Variants in CNTLN observed in about 807,000 individuals in gnomAD.
CNTLN encodes centlein.
In CNTLN, 212 loss-of-function variants were observed where a neutral mutation model predicts 180.0. That is an observed-to-expected ratio of 1.18 (90% CI 1.05 to 1.32). CNTLN has a LOEUF of 1.32. CNTLN is among the 40% of genes most tolerant of loss of function. The probability of loss-of-function intolerance (pLI) is 0.00; values close to 1 mark genes in which losing one functional copy is unlikely to be tolerated. For synonymous variants in CNTLN, 722 were observed against 563.1 expected (o/e 1.28, Z -3.99); for missense variants, 2,095 against 1,610.9 (o/e 1.30, Z -5.14).
chr9:17,420,696 A>T (rs553986193), intron 18 of CNTLN, among the ~76,000 whole-genome samples: 24 of 152,200 alleles, frequency 1.6e-4, no homozygotes, highest in African/African-American at 5.3e-4. Context: ...ACTTTTAGGT[A>T]TAAACTTCTC....
chr9:17,158,582 A>AT (rs1387944555), intron 2 of CNTLN, among the ~76,000 whole-genome samples: 7 of 151,540 alleles, frequency 4.6e-5, no homozygotes. Context: ...CAGATTTTCT[A>AT]TTTTTTCTTG....
chr9:17,367,957 A>G (rs556605960), intron 13 of CNTLN, among the ~76,000 whole-genome samples: 1 of 152,122 alleles, frequency 6.6e-6, no homozygotes, highest in African/African-American at 2.4e-5. Flanking sequence ...CCTGCATGAG[A>G]AAAGCAGAGG....
chr9:17,200,320 C>T (rs865943228), intron 2 of CNTLN, among the ~76,000 whole-genome samples: 1 of 151,922 alleles, frequency 6.6e-6, no homozygotes, highest in African/African-American at 2.4e-5. Flanking sequence ...TGGCTATAAG[C>T]GTTCTTTTGG....
intron 13 of CNTLN, among the ~76,000 whole-genome samples, chr9:17,373,319 C>T (rs1824482455): frequency 6.6e-6 from 1 of 152,110 alleles, no homozygotes; most frequent in Admixed American, 6.5e-5. Flanking sequence ...AGTATCATTT[C>T]TATATGCCAA....
rs144615133 is a variant in CNTLN, at chr9:17,320,222, TGAA to T, written c.1342-10407_1342-10405del. On this transcript the variant is annotated intron_variant, in intron 8 of 25. Transcript: ENST00000380647. ...CTCTCTCTTCCTTGCTTTCCTCAAT[TGAA>T]GAGAATTTTCTTTAGCTGTTTTCCC... Among the ~76,000 whole-genome samples, 208 of 152,328 alleles carry T rather than the reference TGAA, an allele frequency of 1.4e-3. 3 individuals are homozygous for T. The highest frequency in any genetic ancestry group is 9.1e-3 in the Admixed American group (140 of 15,308).
intron 25 of CNTLN, among the ~76,000 whole-genome samples, chr9:17,492,215 ATAAT>A: frequency 6.6e-6 from 1 of 152,220 alleles, no homozygotes; most frequent in African/African-American, 2.4e-5. Context: ...TTTTAATAAA[ATAAT>A]TAAATTTATT....
At chr9:17,149,897 A>G (rs1397577166) in intron 2 of CNTLN, among the ~76,000 whole-genome samples, 1 of 152,036 alleles carries the variant, frequency 6.6e-6, no homozygotes, top group Non-Finnish European at 1.5e-5. Context: ...CATTTCTCTA[A>G]TGACCAGTGA....
At chr9:17,380,850 T>A (rs1564052165) in intron 13 of CNTLN, among the ~76,000 whole-genome samples, 1 of 152,224 alleles carries the variant, frequency 6.6e-6, no homozygotes, top group Non-Finnish European at 1.5e-5. Flanking sequence ...CTCTTACTGC[T>A]GCAGGTTTTC....
chr9:17,182,933 G>A (rs1253290957), intron 2 of CNTLN, among the ~76,000 whole-genome samples: 2 of 152,204 alleles, frequency 1.3e-5, no homozygotes, highest in African/African-American at 2.4e-5. Context: ...TCTAGTGCGT[G>A]CAAAATTGAT....
At chr9:17,432,253 T>C (rs74529725) in intron 18 of CNTLN, among the ~76,000 whole-genome samples, 2,983 of 152,286 alleles carry the variant, frequency 0.02, 93 homozygotes, top group African/African-American at 0.068. Flanking sequence ...CAGCTTAAAC[T>C]GTCAGCCAAC....
chr9:17,487,615 A>G (rs1272383045), intron 25 of CNTLN, among the ~76,000 whole-genome samples: 1 of 152,132 alleles, frequency 6.6e-6, no homozygotes, highest in Non-Finnish European at 1.5e-5. Flanking sequence ...AAGAATGAAA[A>G]AATTTCCACC....
intron 25 of CNTLN, chr9:17,494,806 A>G: frequency 5.4e-6 from 2 of 368,766 alleles, no homozygotes; most frequent in Non-Finnish European, 5.2e-6. Flanking sequence ...GTATACAATT[A>G]TGTACTGCAC....
chr9:17,308,817 C>T (rs2132906772), intron 7 of CNTLN, among the ~76,000 whole-genome samples: 2 of 151,638 alleles, frequency 1.3e-5, no homozygotes, highest in South Asian at 4.2e-4. Context: ...GCCTTTTTAA[C>T]ATATTTTCTA....
At chr9:17,313,302 A>G (rs1819333573) in intron 8 of CNTLN, among the ~76,000 whole-genome samples, 2 of 152,180 alleles carry the variant, frequency 1.3e-5, no homozygotes, top group African/African-American at 4.8e-5. Flanking sequence ...GAATTGTAAC[A>G]TAATTATAAT....
At chr9:17,402,930 G>A (rs978667178) in intron 15 of CNTLN, among the ~76,000 whole-genome samples, 1 of 151,660 alleles carries the variant, frequency 6.6e-6, no homozygotes, top group Non-Finnish European at 1.5e-5. Flanking sequence ...CATCCTGTTG[G>A]TTCCATTTCT....
At chr9:17,515,839 A>C in the CNTLN span, among the ~76,000 whole-genome samples, 1 of 152,198 alleles carries the variant, frequency 6.6e-6, no homozygotes, top group South Asian at 2.1e-4. Context: ...GCTTTCATTT[A>C]AAACACATGA....
Position 17,464,575 on chromosome 9 carries a change from G to T in CNTLN, c.3483G>T (p.Leu1161Phe). Residue 1161 changes from leucine to phenylalanine, a missense_variant, in exon 21 of 26, where the codon TTG becomes TTT. Transcript: ENST00000380647. The part of the protein sequence containing the change: ...EDLKFRQKVN[L>F]ESNKSFSEML... Reference sequence around the variant, plus strand: ...TGAAATTTCGACAGAAAGTAAATTTGGAAAGTAACAAGAGTTTTAGTGAAA... The same window carrying T: ...TGAAATTTCGACAGAAAGTAAATTTTGAAAGTAACAAGAGTTTTAGTGAAA... 6.7e-7 allele frequency: 1 copy of T among 1,500,238 alleles called. No homozygotes were observed. Among genetic ancestry groups the T allele is most frequent in the Non-Finnish European group, 8.9e-7 (1 of 1,123,964 alleles). 92.9% of individuals were successfully genotyped at this position (1,500,238 alleles called of 1,614,324 possible). A position where few individuals can be genotyped will look rare whatever the true frequency, so the allele number is the denominator to read the frequency against.
At chr9:17,496,189 A>T (rs1833446939) in intron 25 of CNTLN, among the ~76,000 whole-genome samples, 2 of 152,208 alleles carry the variant, frequency 1.3e-5, no homozygotes, top group South Asian at 4.1e-4. Context: ...AGACTGAATA[A>T]TTCAGTTCTC....
At chr9:17,485,553 T>C (rs949076777) in intron 24 of CNTLN, among the ~76,000 whole-genome samples, 1 of 152,138 alleles carries the variant, frequency 6.6e-6, no homozygotes, top group East Asian at 1.9e-4. Context: ...ATATTACTTC[T>C]GGCAAGGGTG....
Sources: allele counts gnomAD v4.1 joint callset (sites outside exome capture counted in the v4.1 genomes callset), GRCh38; gene constraint gnomAD v4.1.1; transcripts MANE v1.5; gene names NCBI Gene and HGNC (gene_info 2026-07-23, HGNC 2026-07-21).